Variants in GRIN2B observed in about 807,000 individuals in gnomAD.
GRIN2B encodes glutamate ionotropic receptor NMDA type subunit 2B, also known as glutamate receptor ionotropic, NMDA 2B.
GRIN2B carries 5 observed loss-of-function variants against 114.5 expected under a neutral mutation model. The observed-to-expected ratio is 0.04, with a 90% CI of 0.02 to 0.09. The LOEUF (loss-of-function observed/expected upper bound fraction) is 0.09. GRIN2B is among the 10% of genes least tolerant of loss of function. The pLI is 1.00. For missense variants in GRIN2B, 1,108 were observed against 1,943.5 expected, an observed-to-expected ratio of 0.57 and a Z score of 8.08; for synonymous variants, 787 against 745.1, an observed-to-expected ratio of 1.06 and a Z score of -0.92.
intron 4 of GRIN2B, among the ~76,000 whole-genome samples, chr12:13,694,124 A>G (rs963280027): frequency 1.3e-5 from 2 of 152,162 alleles, no homozygotes; most frequent in Non-Finnish European, 2.9e-5. Flanking sequence ...TCTCCTGTCC[A>G]TGCACAGAAG....
chr12:13,840,774 C>T (rs1025646874), intron 3 of GRIN2B, among the ~76,000 whole-genome samples: 11 of 152,066 alleles, frequency 7.2e-5, no homozygotes, highest in East Asian at 1.9e-4. Flanking sequence ...TTTTATCTTT[C>T]GTATGCTACA....
At chr12:13,723,371 G>A (rs1862914182) in intron 4 of GRIN2B, among the ~76,000 whole-genome samples, 1 of 151,454 alleles carries the variant, frequency 6.6e-6, no homozygotes, top group South Asian at 2.1e-4. Flanking sequence ...TAGGATGAAT[G>A]ACCACTTGCT....
intron 10 of GRIN2B, among the ~76,000 whole-genome samples, chr12:13,590,335 T>C (rs1196558582): frequency 5.9e-5 from 9 of 152,254 alleles, no homozygotes. Context: ...ATTCCCCATC[T>C]AGGTTTTAAG....
At chr12:13,891,114 C>T (rs975258466) in intron 2 of GRIN2B, among the ~76,000 whole-genome samples, 1 of 152,124 alleles carries the variant, frequency 6.6e-6, no homozygotes, top group African/African-American at 2.4e-5. Context: ...TTGTGCAATG[C>T]CCTGGATACT....
At chr12:13,731,734 C>T (rs761862362) in intron 4 of GRIN2B, among the ~76,000 whole-genome samples, 3 of 152,188 alleles carry the variant, frequency 2.0e-5, no homozygotes, top group Non-Finnish European at 4.4e-5. Flanking sequence ...CTTGCAATCC[C>T]AATGGCCACC....
At chr12:13,895,711 A>G (rs1017877435) in intron 2 of GRIN2B, among the ~76,000 whole-genome samples, 4 of 152,210 alleles carry the variant, frequency 2.6e-5, no homozygotes, top group African/African-American at 9.7e-5. Context: ...GCTTGCTGTG[A>G]TTAGCATATG....
intron 2 of GRIN2B, among the ~76,000 whole-genome samples, chr12:13,953,902 G>A (rs549673566): frequency 6.6e-6 from 1 of 152,238 alleles, no homozygotes; most frequent in Non-Finnish European, 1.5e-5. Context: ...ACCTAGTATG[G>A]GCTGTTTTCT....
intron 3 of GRIN2B, among the ~76,000 whole-genome samples, chr12:13,835,052 C>T (rs146219563): frequency 0.012 from 1,843 of 152,326 alleles, 14 homozygotes; most frequent in Admixed American, 0.02. Context: ...AAATAAGAAA[C>T]AGGAGAGTTA....
Position 13,562,566 on chromosome 12 carries a change from G to GGGGAAGAAGGAGAGAA in GRIN2B, c.*201_*216dup, listed in dbSNP as rs1326865609. 9 of 579,830 alleles carry GGGGAAGAAGGAGAGAA rather than the reference G, an allele frequency of 1.6e-5. No homozygotes were observed. Among genetic ancestry groups the GGGGAAGAAGGAGAGAA allele is most frequent in the African/African-American group, 3.7e-5 (2 of 53,450 alleles). 35.9% of individuals were successfully genotyped at this position (579,830 alleles called of 1,614,324 possible). A position where few individuals can be genotyped will look rare whatever the true frequency, so the allele number is the denominator to read the frequency against. On this transcript the variant is annotated 3_prime_UTR_variant, in exon 14 of 14. Coordinates refer to ENST00000609686, the MANE Select transcript of GRIN2B (RefSeq NM_000834.5). ...TGGGAACAGGAATGGCTGACAGCGG[G>GGGGAAGAAGGAGAGAA]GGGAAGAAGGAGAGAACTGTGAAAA...
chr12:13,887,036 G>T (rs905635181), intron 2 of GRIN2B, among the ~76,000 whole-genome samples: 1 of 152,174 alleles, frequency 6.6e-6, no homozygotes, highest in African/African-American at 2.4e-5. Context: ...AAATGGAGGA[G>T]CTAGGATACA....
intron 2 of GRIN2B, among the ~76,000 whole-genome samples, chr12:13,973,111 C>T (rs998645954): frequency 6.6e-6 from 1 of 152,192 alleles, no homozygotes; most frequent in African/African-American, 2.4e-5. Context: ...GCGTCCTCAC[C>T]TGAGCTTCAG....
At chr12:13,658,540 TA>T (rs869101800) in intron 5 of GRIN2B, among the ~76,000 whole-genome samples, 1 of 130,458 alleles carries the variant, frequency 7.7e-6, no homozygotes, top group Non-Finnish European at 1.7e-5. Flanking sequence ...ATCTTACACT[TA>T]AGAAGAGTCT....
At chr12:13,609,570 G>A (rs1323971058) in intron 9 of GRIN2B, among the ~76,000 whole-genome samples, 1 of 152,036 alleles carries the variant, frequency 6.6e-6, no homozygotes, top group African/African-American at 2.4e-5. Flanking sequence ...TCAGGAGATC[G>A]AGACCATCCT....
intron 3 of GRIN2B, among the ~76,000 whole-genome samples, chr12:13,843,269 T>G (rs1370584752): frequency 6.6e-6 from 1 of 151,520 alleles, no homozygotes; most frequent in Non-Finnish European, 1.5e-5. Flanking sequence ...ACACAAATAC[T>G]CACTTTCCAA....
chr12:13,950,015 C>T (rs139291518), intron 2 of GRIN2B, among the ~76,000 whole-genome samples: 24 of 152,036 alleles, frequency 1.6e-4, no homozygotes, highest in African/African-American at 5.3e-4. Context: ...ATCATGATGT[C>T]GATTACAGAA....
chr12:13,592,850 G>A (rs1949025982), intron 10 of GRIN2B, among the ~76,000 whole-genome samples: 1 of 152,154 alleles, frequency 6.6e-6, no homozygotes, highest in South Asian at 2.1e-4. Context: ...ATGTCTTACT[G>A]ATGTGTGATT....
At chr12:13,875,754 A>C (rs1865983166) in intron 2 of GRIN2B, among the ~76,000 whole-genome samples, 1 of 152,188 alleles carries the variant, frequency 6.6e-6, no homozygotes, top group Non-Finnish European at 1.5e-5. Flanking sequence ...TTGCTGTGCG[A>C]TCTTTACCTC....
intron 3 of GRIN2B, among the ~76,000 whole-genome samples, chr12:13,789,334 C>T (rs1864277093): frequency 6.6e-6 from 1 of 152,154 alleles, no homozygotes; most frequent in Non-Finnish European, 1.5e-5. Flanking sequence ...AAACTAAGTG[C>T]ATGTGCCTTC....
chr12:13,786,016 C>T (rs1864216286), intron 3 of GRIN2B, among the ~76,000 whole-genome samples: 2 of 152,300 alleles, frequency 1.3e-5, no homozygotes, highest in Middle Eastern at 6.8e-3. Context: ...ACCAGCAGTA[C>T]TACATCATGA....
Sources: allele counts gnomAD v4.1 joint callset (sites outside exome capture counted in the v4.1 genomes callset), GRCh38; gene constraint gnomAD v4.1.1; transcripts MANE v1.5; gene names NCBI Gene and HGNC (gene_info 2026-07-23, HGNC 2026-07-21).